Variants in WDFY3 observed in about 807,000 individuals in gnomAD.
WDFY3 encodes the protein WD repeat and FYVE domain-containing protein 3.
In WDFY3, 66 loss-of-function variants were observed where a neutral mutation model predicts 409.6. The ratio of observed to expected loss-of-function variants is 0.16; its 90% CI spans 0.13 to 0.20. WDFY3 has a LOEUF of 0.20. Ranked by LOEUF, WDFY3 falls within the 10% of genes least tolerant of loss-of-function variation. WDFY3 has a pLI of 1.00. For missense variants in WDFY3, 3,031 were observed against 4,298.1 expected, an observed-to-expected ratio of 0.71 and a Z score of 8.24; for synonymous variants, 1,521 against 1,537.1, an observed-to-expected ratio of 0.99 and a Z score of 0.25.
intron 1 of WDFY3, among the ~76,000 whole-genome samples, chr4:84,954,973 G>A (rs1266345337): frequency 6.6e-6 from 1 of 152,200 alleles, no homozygotes; most frequent in Non-Finnish European, 1.5e-5. Context: ...GGGAGGCTGA[G>A]GCAGGTGGAT....
chr4:84,808,259 A>G (rs1751859538), intron 15 of WDFY3, 75 bp downstream of exon 15: 5 of 1,170,210 alleles, frequency 4.3e-6, no homozygotes, highest in Non-Finnish European at 6.1e-6. Context: ...CACAATCAAC[A>G]TGTTAACATA....
chr4:84,931,534 ACT>A (rs1342013896), intron 2 of WDFY3, among the ~76,000 whole-genome samples: 1 of 151,950 alleles, frequency 6.6e-6, no homozygotes, highest in Non-Finnish European at 1.5e-5. Context: ...GAGAAGAGAC[ACT>A]CTGCTGAGAG....
rs752119815 is a variant in WDFY3 at position 84,821,428 on chromosome 4, G to C, written c.1247C>G (p.Ala416Gly). 3 of 1,613,762 alleles carry C rather than the reference G, an allele frequency of 1.9e-6. No individual in the cohort carries two copies. Among genetic ancestry groups the C allele is most frequent in the Non-Finnish European group, 2.5e-6 (3 of 1,179,860 alleles). The part of the protein sequence containing the change: ...AITNIYMADN[A>G]NYFILESQHT... Reference sequence around the variant, plus strand: ...CTGTGACTCTAGGATGAAGTAATTGGCATTGTCAGCCATGTAAATATTTGT... The same window carrying C: ...CTGTGACTCTAGGATGAAGTAATTGCCATTGTCAGCCATGTAAATATTTGT... Residue 416 changes from alanine to glycine, a missense_variant, in exon 11 of 68, where the codon GCC becomes GGC. Physicochemically the swap from Ala to Gly is moderately conservative, Grantham distance 60. Transcript: ENST00000295888.
Position 84,880,003 on chromosome 4 carries a change from T to C in WDFY3, c.-32+16908A>G, listed in dbSNP as rs189375708. On this transcript the variant is annotated intron_variant, in intron 3 of 67. Transcript: ENST00000295888. ...ATCCTAATCTCTAGAACCTGTATGT[T>C]ACATTATGTGGCCAAAAGGACTTTG... 2.2e-4 allele frequency among the ~76,000 whole-genome samples: 33 copies of C among 152,344 alleles called. 2 individuals are homozygous for C. The South Asian group carries it at 5.8e-3, about 27-fold the overall frequency.
intron 2 of WDFY3, among the ~76,000 whole-genome samples, chr4:84,928,793 T>C (rs139392509): frequency 1.4e-3 from 212 of 152,320 alleles, no homozygotes; most frequent in South Asian, 2.5e-3. Flanking sequence ...ATTAGACCTC[T>C]GCATATTTTA....
At chr4:84,782,467 C>T (rs1400216048) in intron 25 of WDFY3, among the ~76,000 whole-genome samples, 1 of 152,026 alleles carries the variant, frequency 6.6e-6, no homozygotes, top group Non-Finnish European at 1.5e-5. Flanking sequence ...TTTGCTGCAC[C>T]TATAAACCTG....
At chr4:84,903,912 C>T (rs546399976) in intron 2 of WDFY3, among the ~76,000 whole-genome samples, 9 of 152,092 alleles carry the variant, frequency 5.9e-5, no homozygotes, top group South Asian at 2.1e-4. Flanking sequence ...TCCATCCATC[C>T]GCCCGCCTGC....
intron 2 of WDFY3, among the ~76,000 whole-genome samples, chr4:84,917,081 G>A (rs1372768819): frequency 3.9e-5 from 6 of 151,958 alleles, no homozygotes; most frequent in Admixed American, 6.6e-5. Context: ...TATCTTTTTC[G>A]TGTGTGTGTG....
At chr4:84,811,142 C>T (rs1447187356) in intron 13 of WDFY3, among the ~76,000 whole-genome samples, 1 of 152,054 alleles carries the variant, frequency 6.6e-6, no homozygotes, top group Non-Finnish European at 1.5e-5. Context: ...GGATTACAGG[C>T]ACGCACCACT....
chr4:84,743,715 C>A lies in WDFY3; in HGVS notation c.6058G>T (p.Ala2020Ser). The change falls in exon 37 of 68, where the codon GCT becomes TCT. Residue 2020 changes from alanine (A) to serine (S), a missense_variant. Physicochemically the swap from Ala to Ser is moderately conservative, Grantham distance 99. Transcript: ENST00000295888. ...LDSVMDHLLA[A>S]DVLLGEDASL... is the part of the protein sequence containing the mutation. ...ACAGAATTACCTAATAACACATCAGCTGCAAGCAAATGGTCCATCACGCTA... is the reference window on the plus strand; with the variant it reads ...ACAGAATTACCTAATAACACATCAGATGCAAGCAAATGGTCCATCACGCTA... 6.4e-7 allele frequency: 1 copy of A among 1,574,206 alleles called. No homozygotes were observed. The highest frequency in any genetic ancestry group is 8.6e-7 in the Non-Finnish European group (1 of 1,156,110).
At chr4:84,863,088 C>T (rs1395372790) in intron 3 of WDFY3, among the ~76,000 whole-genome samples, 1 of 152,218 alleles carries the variant, frequency 6.6e-6, no homozygotes, top group Non-Finnish European at 1.5e-5. Context: ...TGCACACGCA[C>T]ACATACATAT....
At chr4:84,751,059 G>C (rs372281985) in intron 36 of WDFY3, among the ~76,000 whole-genome samples, 56 of 152,314 alleles carry the variant, frequency 3.7e-4, no homozygotes, top group Middle Eastern at 6.8e-3. Flanking sequence ...ATGGCCTGTG[G>C]GCCAAATCCA....
intron 36 of WDFY3, among the ~76,000 whole-genome samples, chr4:84,748,306 A>G (rs1432866650): frequency 6.6e-6 from 1 of 152,182 alleles, no homozygotes; most frequent in Non-Finnish European, 1.5e-5. Context: ...AATAATTCTC[A>G]GAGAGAGGTT....
Position 84,774,874 on chromosome 4 carries a change from C to T in WDFY3, c.4700G>A (p.Ser1567Asn), listed in dbSNP as rs1283869161. The T allele has an allele frequency of 6.2e-7, 1 of 1,613,972 alleles. No homozygotes were observed. The highest frequency in any genetic ancestry group is 8.5e-7 in the Non-Finnish European group (1 of 1,179,928). Reference sequence around the variant, plus strand: ...TTGCAGTAAGAAGCTCAGGACATTACTAATAGCAGCAATAGTAGGCTGGGA... The same window carrying T: ...TTGCAGTAAGAAGCTCAGGACATTATTAATAGCAGCAATAGTAGGCTGGGA... Reference protein sequence around the residue: ...SLSQPTIAAISNVLSFLLQGF... With the variant: ...SLSQPTIAAINNVLSFLLQGF... The change falls in exon 29 of 68, where the codon AGT becomes AAT. Residue 1567 changes from serine to asparagine, a missense_variant. By Grantham distance (46) the Ser-to-Asn change is conservative (BLOSUM62 1). Around this residue, in one of 16 missense-constraint regions of WDFY3, gnomAD observed 342 missense variants for 463.7 expected, o/e 0.74. Coordinates refer to ENST00000295888, the MANE Select transcript of WDFY3 (RefSeq NM_014991.6).
intron 2 of WDFY3, among the ~76,000 whole-genome samples, chr4:84,918,819 A>C (rs575995331): frequency 7.5e-6 from 1 of 133,604 alleles, no homozygotes; most frequent in East Asian, 2.2e-4. Context: ...GTGTGTGTAT[A>C]TATATATAGA....
chr4:84,756,868 C>G (rs1741555817), intron 33 of WDFY3, 58 bp downstream of exon 33: 2 of 1,517,906 alleles, frequency 1.3e-6, no homozygotes, highest in East Asian at 2.3e-5. Flanking sequence ...TATCCATTAT[C>G]CTACGGTGAT....
intron 10 of WDFY3, among the ~76,000 whole-genome samples, chr4:84,824,094 C>T (rs559173496): frequency 6.6e-6 from 1 of 152,230 alleles, no homozygotes; most frequent in African/African-American, 2.4e-5. Context: ...AAGGAACAAA[C>T]TTCTGATACA....
At chr4:84,875,545 C>G (rs1762667987) in intron 3 of WDFY3, among the ~76,000 whole-genome samples, 2 of 152,154 alleles carry the variant, frequency 1.3e-5, no homozygotes, top group African/African-American at 4.8e-5. Context: ...TTAACTTCAG[C>G]TTACTGAAAC....
At chr4:84,722,673 T>C (rs868363723) in intron 46 of WDFY3, among the ~76,000 whole-genome samples, 35 of 152,326 alleles carry the variant, frequency 2.3e-4, no homozygotes, top group African/African-American at 8.4e-4. Flanking sequence ...ACCCAAAGTA[T>C]GAGAAGTCCT....
Sources: gnomAD v4.1 joint callset for allele counts (sites outside exome capture counted in the v4.1 genomes callset) on GRCh38, gnomAD v4.1.1 for gene constraint, gnomAD v4.1.1 regional missense constraint, MANE v1.5 for transcripts, NCBI Gene and HGNC (gene_info 2026-07-23, HGNC 2026-07-21) for gene names.